The following SP1 variants were observed in gnomAD, a reference collection of about 807,000 sequenced individuals.
SP1 encodes Sp1 transcription factor.
A neutral mutation model predicts 66.3 loss-of-function variants in SP1; 6 were observed. That is an observed-to-expected ratio of 0.09 (90% CI 0.05 to 0.18). SP1 has a LOEUF of 0.18. Among genes scored for constraint, SP1 ranks in the 10% least tolerant of loss-of-function variants. SP1 has a pLI of 1.00. For synonymous variants in SP1, 417 were observed against 360.8 expected, an observed-to-expected ratio of 1.16 and a Z score of -1.77; for missense variants, 848 against 964.5, an observed-to-expected ratio of 0.88 and a Z score of 1.60.
At chr12:53,400,408 C>G (rs1056940184) in intron 3 of SP1, among the ~76,000 whole-genome samples, 5 of 152,096 alleles carry the variant, frequency 3.3e-5, no homozygotes, top group Admixed American at 2.6e-4. Context: ...TTTATTCATT[C>G]ACCAGTTGAT....
At chr12:53,396,874 C>T (rs1938503738) in intron 3 of SP1, among the ~76,000 whole-genome samples, 1 of 152,050 alleles carries the variant, frequency 6.6e-6, no homozygotes, top group Non-Finnish European at 1.5e-5. Context: ...AGTGATCCTC[C>T]AACCTTTGTC....
chr12:53,410,349 G>T (rs536760545), intron 5 of SP1, among the ~76,000 whole-genome samples: 7 of 152,068 alleles, frequency 4.6e-5, no homozygotes, highest in African/African-American at 1.7e-4. Context: ...TTTTGAGTGG[G>T]ATTTTTGAAG....
At chr12:53,405,697 A>AGGAAGGAG (rs58778950) in intron 3 of SP1, among the ~76,000 whole-genome samples, 17,631 of 149,116 alleles carry the variant, frequency 0.12, 3,568 homozygotes, top group African/African-American at 0.42. Flanking sequence ...GAGAGAGAGA[A>AGGAAGGAG]GGAAGGAGGG....
chr12:53,394,409 C>CTT (rs59816754), intron 3 of SP1, among the ~76,000 whole-genome samples: 2,535 of 114,796 alleles, frequency 0.022, 68 homozygotes, highest in Non-Finnish European at 0.034. Context: ...TTAAAAGTAT[C>CTT]TTTTTTTTTT....
chr12:53,405,600 A>G (rs183721441), intron 3 of SP1, among the ~76,000 whole-genome samples: 18 of 151,696 alleles, frequency 1.2e-4, no homozygotes, highest in Admixed American at 9.9e-4. Flanking sequence ...AACCCAGGAG[A>G]TGGAGGTTGC....
rs1037805877 is a variant in SP1 at position 53,400,347 on chromosome 12, CT to C, written c.1676-6230del. ...CCATGTTGTAGCATGTGTTAGTACT[CT>C]TTTTTTTATTGCCAAATAATATTTC... On this transcript the variant is annotated intron_variant, in intron 3 of 5. Coordinates refer to ENST00000327443, the MANE Select transcript of SP1 (RefSeq NM_138473.3). Among the ~76,000 whole-genome samples the C allele has an allele frequency of 4.6e-5, 7 of 152,040 alleles. No homozygotes were observed. In the South Asian group the frequency reaches 1.0e-3, roughly 23 times the overall value.
chr12:53,403,519 AT>A (rs34078240), intron 3 of SP1, among the ~76,000 whole-genome samples: 67,647 of 143,142 alleles, frequency 0.47, 15,934 homozygotes, highest in East Asian at 0.69. Context: ...TGCCCAGCTA[AT>A]TTTTTTTTTT....
rs1374777105 is a variant in SP1 at position 53,409,546 on chromosome 12, A to G, written c.2029A>G (p.Lys677Glu). 6.2e-7 allele frequency: 1 copy of G among 1,614,154 alleles called. No homozygotes were observed. The highest frequency in any genetic ancestry group is 2.2e-5 in the East Asian group (1 of 44,888). ...ACGTTCGGATGAGCTACAGAGGCAC[A>G]AACGTACACACACAGGTGAGCAAGA... is the stretch of plus-strand genomic sequence containing the variant. ...FTRSDELQRH[K>E]RTHTGEKKFA... Residue 677 changes from lysine (K) to glutamate (E), a missense_variant, in exon 5 of 6, where the codon AAA becomes GAA. Transcript: ENST00000327443.
intron 3 of SP1, among the ~76,000 whole-genome samples, chr12:53,397,637 G>A (rs1369100053): frequency 2.0e-5 from 3 of 149,380 alleles, no homozygotes; most frequent in Non-Finnish European, 4.4e-5. Flanking sequence ...CCAGGCTGGA[G>A]TGCAGTGGCA....
At chr12:53,406,453 T>C in intron 3 of SP1, 132 bp from the exon 4 acceptor site, 1 of 724,872 alleles carries the variant, frequency 1.4e-6, no homozygotes, top group Non-Finnish European at 2.3e-6. Flanking sequence ...ATAAAAAGGC[T>C]TCAAAACTTG....
At chr12:53,380,586 G>T (rs1592552326) in intron 1 of SP1, 1 of 966,796 alleles carries the variant, frequency 1.0e-6, no homozygotes, top group Non-Finnish European at 1.2e-6. Context: ...CTACTCGGCC[G>T]CCCGCCTGAG....
Position 53,406,708 on chromosome 12 carries a change from G to A in SP1, c.1799G>A (p.Arg600Gln), listed in dbSNP as rs1244306001. The A allele has an allele frequency of 6.2e-7, 1 of 1,614,108 alleles. No homozygotes were observed. Among genetic ancestry groups the A allele is most frequent in the Non-Finnish European group, 8.5e-7 (1 of 1,180,022 alleles). The change falls in exon 4 of 6, where the codon CGG (arginine) becomes CAG (glutamine). Residue 600 changes from arginine to glutamine, a missense_variant. Coordinates refer to ENST00000327443, the MANE Select transcript of SP1 (RefSeq NM_138473.3). ...CAACCCCAAGCCGGTCGGAGGACCCGGCGGGAAGCATGCACCTGCCCCTAC... is the reference window on the plus strand; with the variant it reads ...CAACCCCAAGCCGGTCGGAGGACCCAGCGGGAAGCATGCACCTGCCCCTAC... ...DAQPQAGRRT[R>Q]REACTCPYCK...
intron 3 of SP1, among the ~76,000 whole-genome samples, chr12:53,396,978 T>A (rs577040323): frequency 6.6e-6 from 1 of 151,920 alleles, no homozygotes; most frequent in South Asian, 2.1e-4. Context: ...TAAAAAAAAA[T>A]CATTTTTTTT....
At chr12:53,399,953 C>T (rs1365233566) in intron 3 of SP1, among the ~76,000 whole-genome samples, 2 of 152,024 alleles carry the variant, frequency 1.3e-5, no homozygotes, top group African/African-American at 2.4e-5. Context: ...TTAGTAGAGA[C>T]GGGAATTTCA....
At chr12:53,405,721 G>GGGAC (rs1938718944) in intron 3 of SP1, among the ~76,000 whole-genome samples, 1 of 151,878 alleles carries the variant, frequency 6.6e-6, no homozygotes, top group Non-Finnish European at 1.5e-5. Flanking sequence ...GAGGGAGGGA[G>GGGAC]GGAAGGAAGA....
chr12:53,409,309 GTTC>G, intron 4 of SP1, 50 bp from the exon 5 acceptor site: 1 of 1,463,512 alleles, frequency 6.8e-7, no homozygotes, highest in South Asian at 1.2e-5. Context: ...ATACTTTGTG[GTTC>G]TTTAGTTTTC....
Position 53,382,117 on chromosome 12 carries a change from A to G in SP1, c.170A>G (p.Gln57Arg), listed in dbSNP as rs753876196. ...SSTGGGGQES[Q>R]PSPLALLAAT... is the part of the protein sequence containing the mutation. ...TCCCTTATTTTCGGCCAGGAGTCCC[A>G]GCCATCCCCTTTGGCTCTGCTGGCA... The change falls in exon 3 of 6, where the codon CAG becomes CGG. Residue 57 changes from glutamine (Q) to arginine (R), a missense_variant. Gln to Arg is a conservative substitution (Grantham distance 43). Transcript: ENST00000327443. 1 of 1,613,664 alleles carries G rather than the reference A, an allele frequency of 6.2e-7. No individual in the cohort carries two copies. The highest frequency in any genetic ancestry group is 1.7e-5 in the Admixed American group (1 of 59,996).
intron 3 of SP1, among the ~76,000 whole-genome samples, chr12:53,388,874 G>A (rs192142882): frequency 5.6e-4 from 85 of 151,946 alleles, no homozygotes; most frequent in African/African-American, 1.8e-3. Context: ...CAGCTACTTG[G>A]GAGGCTGAGG....
Position 53,382,931 on chromosome 12 carries a change from A to T in SP1, c.984A>T (p.Ser328=). Residue 328 remains serine, a synonymous_variant, in exon 3 of 6, where the codon TCA becomes TCT. Transcript: ENST00000327443. ...SSFFTNANSY[S]TTTTTSNMGI... is the part of the protein sequence containing the mutation. ...TTTTCACCAATGCCAATAGCTACTCAACTACTACTACCACCAGCAACATGG... is the reference window on the plus strand; with the variant it reads ...TTTTCACCAATGCCAATAGCTACTCTACTACTACTACCACCAGCAACATGG... 6.2e-7 allele frequency: 1 copy of T among 1,614,102 alleles called. No individual in the cohort carries two copies. Among genetic ancestry groups the T allele is most frequent in the Non-Finnish European group, 8.5e-7 (1 of 1,179,994 alleles).
Sources: allele counts gnomAD v4.1 joint callset (sites outside exome capture counted in the v4.1 genomes callset), GRCh38; gene constraint gnomAD v4.1.1; transcripts MANE v1.5; gene names NCBI Gene and HGNC (gene_info 2026-07-23, HGNC 2026-07-21).